The following CDKAL1 variants were observed in gnomAD, a reference collection of about 807,000 sequenced individuals.
The protein encoded by CDKAL1 is CDKAL1 threonylcarbamoyladenosine tRNA methylthiotransferase, also known as threonylcarbamoyladenosine tRNA methylthiotransferase.
In CDKAL1, 32 loss-of-function variants were observed where a neutral mutation model predicts 68.2. The ratio of observed to expected loss-of-function variants is 0.47; its 90% CI spans 0.35 to 0.63. The LOEUF is 0.63. Ranked by LOEUF, CDKAL1 falls within the 30% of genes least tolerant of loss-of-function variation. CDKAL1 has a pLI of 0.00. For missense variants in CDKAL1, 606 were observed against 696.7 expected, an observed-to-expected ratio of 0.87 and a Z score of 1.47; for synonymous variants, 234 against 244.3, an observed-to-expected ratio of 0.96 and a Z score of 0.39.
chr6:20,912,373 G>A (rs1328794762), intron 9 of CDKAL1, among the ~76,000 whole-genome samples: 1 of 152,072 alleles, frequency 6.6e-6, no homozygotes, highest in Non-Finnish European at 1.5e-5. Context: ...AAATGAAGTT[G>A]GTCTCCTACT....
At chr6:20,662,283 G>A (rs1769320638) in intron 5 of CDKAL1, among the ~76,000 whole-genome samples, 1 of 151,994 alleles carries the variant, frequency 6.6e-6, no homozygotes, top group Admixed American at 6.6e-5. Context: ...GTTACACTTA[G>A]GTGTCGTTCT....
chr6:20,617,365 T>TATGGATAG (rs1209654114), intron 4 of CDKAL1, among the ~76,000 whole-genome samples: 1 of 152,204 alleles, frequency 6.6e-6, no homozygotes, highest in Non-Finnish European at 1.5e-5. Context: ...TAGCCAAATG[T>TATGGATAG]ATGGATAGGA....
intron 8 of CDKAL1, among the ~76,000 whole-genome samples, chr6:20,841,747 T>A (rs1232910939): frequency 6.6e-6 from 1 of 152,208 alleles, no homozygotes; most frequent in Admixed American, 6.5e-5. Context: ...AAAAAACCTT[T>A]TTTACAAAAA....
chr6:21,089,155 A>T (rs893867817), intron 12 of CDKAL1, among the ~76,000 whole-genome samples: 2 of 152,132 alleles, frequency 1.3e-5, no homozygotes, highest in Non-Finnish European at 2.9e-5. Flanking sequence ...GGTGAGATGA[A>T]TGTTTTTTAA....
At chr6:20,922,763 G>A (rs1252836218) in intron 9 of CDKAL1, among the ~76,000 whole-genome samples, 1 of 152,068 alleles carries the variant, frequency 6.6e-6, no homozygotes, top group Non-Finnish European at 1.5e-5. Flanking sequence ...CCATCACTTG[G>A]GAAGCTTTTG....
chr6:20,858,730 GTAA>G (rs1759465626), intron 9 of CDKAL1, among the ~76,000 whole-genome samples: 1 of 152,158 alleles, frequency 6.6e-6, no homozygotes, highest in East Asian at 1.9e-4. Flanking sequence ...AAAATTGCAT[GTAA>G]TAATGTTTAC....
At chr6:20,684,680 T>A (rs918181137) in intron 5 of CDKAL1, among the ~76,000 whole-genome samples, 2 of 152,086 alleles carry the variant, frequency 1.3e-5, no homozygotes, top group Non-Finnish European at 2.9e-5. Flanking sequence ...TTGCCAACAT[T>A]TGGTGTTAGC....
intron 5 of CDKAL1, among the ~76,000 whole-genome samples, chr6:20,690,693 C>T (rs1384996953): frequency 6.6e-6 from 1 of 151,710 alleles, no homozygotes; most frequent in African/African-American, 2.4e-5. Flanking sequence ...TTATAGACTT[C>T]ATGTTTTTCA....
At chr6:20,876,003 G>A (rs1188510810) in intron 9 of CDKAL1, among the ~76,000 whole-genome samples, 2 of 152,136 alleles carry the variant, frequency 1.3e-5, no homozygotes, top group Non-Finnish European at 1.5e-5. Context: ...AGCACAGACC[G>A]AATTGAAAAA....
intron 5 of CDKAL1, among the ~76,000 whole-genome samples, chr6:20,654,803 T>C (rs1768951690): frequency 1.3e-5 from 2 of 152,218 alleles, no homozygotes; most frequent in Non-Finnish European, 2.9e-5. Flanking sequence ...TCTATTTCAT[T>C]CCTTTGATCT....
intron 9 of CDKAL1, among the ~76,000 whole-genome samples, chr6:20,926,883 ATATT>A (rs1322812770): frequency 3.4e-5 from 1 of 29,556 alleles, no homozygotes; most frequent in Non-Finnish European, 1.5e-4. Context: ...ATGTTTCTAT[ATATT>A]TATATATATA....
At chr6:21,029,015 A>T (rs761317723) in intron 11 of CDKAL1, among the ~76,000 whole-genome samples, 6 of 152,108 alleles carry the variant, frequency 3.9e-5, no homozygotes, top group Middle Eastern at 3.4e-3. Context: ...CTTACATCAA[A>T]CATCTAACTA....
At chr6:21,132,862 A>G (rs1251796214) in intron 13 of CDKAL1, among the ~76,000 whole-genome samples, 1 of 152,016 alleles carries the variant, frequency 6.6e-6, no homozygotes, top group Non-Finnish European at 1.5e-5. Context: ...TCGAACCTAT[A>G]TATTTGTTTA....
intron 13 of CDKAL1, among the ~76,000 whole-genome samples, chr6:21,160,478 A>G (rs1776863562): frequency 1.3e-5 from 2 of 150,814 alleles, no homozygotes; most frequent in Admixed American, 6.6e-5. Flanking sequence ...TTGCATTTTT[A>G]GTAGAGACGG....
At chr6:20,961,333 G>A (rs1378579575) in intron 10 of CDKAL1, among the ~76,000 whole-genome samples, 3 of 152,102 alleles carry the variant, frequency 2.0e-5, no homozygotes, top group Non-Finnish European at 2.9e-5. Context: ...GCAAACTAAC[G>A]CAGGAATAGA....
At chr6:20,599,332 T>C in intron 4 of CDKAL1, 2 of 452,660 alleles carry the variant, frequency 4.4e-6, no homozygotes, top group Non-Finnish European at 8.9e-6. Flanking sequence ...TTGTTATACT[T>C]GGAAATAAAA....
intron 9 of CDKAL1, among the ~76,000 whole-genome samples, chr6:20,896,181 G>A (rs1581784504): frequency 7.1e-6 from 1 of 141,326 alleles, no homozygotes; most frequent in Non-Finnish European, 1.5e-5. Flanking sequence ...GCTCACTGCA[G>A]CCTCCGCCTC....
At chr6:20,702,647 T>C (rs1771420691) in intron 5 of CDKAL1, among the ~76,000 whole-genome samples, 1 of 152,116 alleles carries the variant, frequency 6.6e-6, no homozygotes, top group Non-Finnish European at 1.5e-5. Flanking sequence ...CCTCTCGATA[T>C]CCAGCCACCT....
At chr6:20,883,163 A>G (rs1454637498) in intron 9 of CDKAL1, among the ~76,000 whole-genome samples, 1 of 152,182 alleles carries the variant, frequency 6.6e-6, no homozygotes, top group Non-Finnish European at 1.5e-5. Flanking sequence ...TAATTCTTCC[A>G]AGTGGACCTT....
Sources: allele counts gnomAD v4.1 joint callset (sites outside exome capture counted in the v4.1 genomes callset), GRCh38; gene constraint gnomAD v4.1.1; transcripts MANE v1.5; gene names NCBI Gene and HGNC (gene_info 2026-07-23, HGNC 2026-07-21).